CREB5: variants seen among roughly 807,000 people sequenced by gnomAD.
CREB5 encodes the protein cyclic AMP-responsive element-binding protein 5.
A neutral mutation model predicts 57.1 loss-of-function variants in CREB5; 19 were observed. The ratio of observed to expected loss-of-function variants is 0.33; its 90% confidence interval spans 0.23 to 0.49. The LOEUF (loss-of-function observed/expected upper bound fraction) is 0.49, where lower values mean the gene tolerates loss of function less well. CREB5 is among the 20% of genes least tolerant of loss of function. The probability of loss-of-function intolerance (pLI) is 0.99; values close to 1 mark genes in which losing one functional copy is unlikely to be tolerated. For synonymous variants in CREB5, 238 were observed against 238.3 expected, an observed-to-expected ratio of 1.00 and a Z score of 0.01; for missense variants, 579 against 671.6, an observed-to-expected ratio of 0.86 and a Z score of 1.52.
intron 4 of CREB5, among the ~76,000 whole-genome samples, chr7:28,560,097 A>G (rs1295018677): frequency 6.6e-6 from 1 of 152,234 alleles, no homozygotes; most frequent in Non-Finnish European, 1.5e-5. Flanking sequence ...CCATTGCTTT[A>G]TCTTTACTTT....
At chr7:28,415,222 A>G (rs1310669672) in intron 1 of CREB5, among the ~76,000 whole-genome samples, 2 of 152,140 alleles carry the variant, frequency 1.3e-5, no homozygotes, top group Non-Finnish European at 2.9e-5. Context: ...GGTGAGTTAC[A>G]AAGGCTTATG....
At chr7:28,415,363 C>G (rs527693707) in intron 1 of CREB5, among the ~76,000 whole-genome samples, 1 of 152,192 alleles carries the variant, frequency 6.6e-6, no homozygotes, top group Non-Finnish European at 1.5e-5. Flanking sequence ...GAAGCCTGGT[C>G]CCTGCCTCCA....
intron 4 of CREB5, among the ~76,000 whole-genome samples, chr7:28,556,047 C>T (rs763240051): frequency 6.6e-6 from 1 of 152,124 alleles, no homozygotes; most frequent in Non-Finnish European, 1.5e-5. Context: ...AATAAAAATA[C>T]GGATGTCACT....
intron 2 of CREB5, among the ~76,000 whole-genome samples, chr7:28,493,766 A>G (rs756435435): frequency 2.6e-5 from 4 of 152,244 alleles, no homozygotes; most frequent in Non-Finnish European, 5.9e-5. Context: ...ATTTGGGAGC[A>G]GCATTTTTGA....
rs1306329319 is a variant in CREB5, at chr7:28,561,409, G to A, written c.292-8956G>A. On this transcript the variant is annotated intron_variant, in intron 4 of 10. Transcript: ENST00000357727. ...AGTTAGCTGATACTATCTGGTGTTA[G>A]CATTGATAGTAATGATGATGAGAAT... is the stretch of plus-strand genomic sequence containing the variant. Among the ~76,000 whole-genome samples the A allele has an allele frequency of 2.0e-5, 3 of 152,210 alleles. No individual in the cohort carries two copies. The East Asian group carries it at 5.8e-4, about 29-fold the overall frequency.
intron 1 of CREB5, among the ~76,000 whole-genome samples, chr7:28,406,329 C>T (rs911529394): frequency 2.0e-5 from 3 of 152,228 alleles, no homozygotes; most frequent in Admixed American, 6.5e-5. Context: ...CAGGATCCAG[C>T]AACTAAAGGT....
At chr7:28,324,767 T>C (rs1785553054) in intron 1 of CREB5, among the ~76,000 whole-genome samples, 1 of 152,212 alleles carries the variant, frequency 6.6e-6, no homozygotes, top group East Asian at 1.9e-4. Context: ...GGCATCATCT[T>C]CACGTGGATG....
intron 1 of CREB5, among the ~76,000 whole-genome samples, chr7:28,391,835 T>C (rs553549480): frequency 2.6e-5 from 4 of 152,328 alleles, no homozygotes; most frequent in Admixed American, 2.6e-4. Flanking sequence ...AGCTATTTTA[T>C]TTGCTGTTTT....
intron 2 of CREB5, 121 bp from the exon 3 acceptor site, chr7:28,494,785 T>G (rs556769856): frequency 1.1e-4 from 70 of 635,944 alleles, no homozygotes; most frequent in African/African-American, 8.3e-4. Flanking sequence ...GTTTTTTTTT[T>G]TTTGTTTTGC....
intron 7 of CREB5, among the ~76,000 whole-genome samples, chr7:28,780,463 T>C (rs1243190527): frequency 6.6e-6 from 1 of 152,220 alleles, no homozygotes; most frequent in Non-Finnish European, 1.5e-5. Context: ...GGCTCATGCC[T>C]GTAATCCCAG....
chr7:28,418,440 G>A (rs1788105980), intron 1 of CREB5, among the ~76,000 whole-genome samples: 1 of 152,124 alleles, frequency 6.6e-6, no homozygotes, highest in South Asian at 2.1e-4. Flanking sequence ...GGGGAGGAGA[G>A]ACCTTGGTGT....
chr7:28,622,603 A>G (rs974447454), intron 5 of CREB5, among the ~76,000 whole-genome samples: 2 of 152,126 alleles, frequency 1.3e-5, no homozygotes, highest in African/African-American at 4.8e-5. Context: ...CCTTACATCA[A>G]CCTCTTGAGG....
At chr7:28,640,242 T>C (rs1298324712) in intron 5 of CREB5, among the ~76,000 whole-genome samples, 1 of 152,222 alleles carries the variant, frequency 6.6e-6, no homozygotes, top group East Asian at 1.9e-4. Flanking sequence ...AATGTCGTGA[T>C]GGAGCAACCT....
chr7:28,457,779 G>T (rs1790173015), intron 1 of CREB5, among the ~76,000 whole-genome samples: 4 of 152,134 alleles, frequency 2.6e-5, no homozygotes, highest in Admixed American at 6.5e-5. Flanking sequence ...AACTGGGTTT[G>T]TCCCTGACTT....
At chr7:28,416,153 C>T (rs1010323271) in intron 1 of CREB5, among the ~76,000 whole-genome samples, 1 of 152,204 alleles carries the variant, frequency 6.6e-6, no homozygotes, top group African/African-American at 2.4e-5. Flanking sequence ...TGTTTGGCCT[C>T]ACCCACAGGT....
intron 7 of CREB5, among the ~76,000 whole-genome samples, chr7:28,790,917 T>C (rs1807669304): frequency 1.3e-5 from 2 of 152,264 alleles, no homozygotes; most frequent in East Asian, 3.8e-4. Context: ...TTGACACATT[T>C]GGTTAACCAT....
chr7:28,608,111 T>TCA (rs1797225387), intron 5 of CREB5, among the ~76,000 whole-genome samples: 2 of 109,450 alleles, frequency 1.8e-5, no homozygotes, highest in African/African-American at 7.7e-5. Context: ...TCTCTCTCTC[T>TCA]CTCACACACA....
intron 5 of CREB5, among the ~76,000 whole-genome samples, chr7:28,606,930 C>G (rs1045681964): frequency 6.6e-6 from 1 of 152,152 alleles, no homozygotes; most frequent in East Asian, 1.9e-4. Context: ...TATTCATCAT[C>G]TCAAATATTT....
chr7:28,757,762 A>T (rs1271914602), intron 7 of CREB5, among the ~76,000 whole-genome samples: 1 of 151,862 alleles, frequency 6.6e-6, no homozygotes, highest in Non-Finnish European at 1.5e-5. Flanking sequence ...AATGCTGGGG[A>T]CCAGAAGTGT....
Sources: allele counts gnomAD v4.1 joint callset (sites outside exome capture counted in the v4.1 genomes callset), GRCh38; gene constraint gnomAD v4.1.1; transcripts MANE v1.5; gene names NCBI Gene and HGNC (gene_info 2026-07-23, HGNC 2026-07-21).